The following ARNT2 variants were observed in gnomAD, a reference collection of about 807,000 sequenced individuals.
The protein encoded by ARNT2 is ARNT protein 2.
In ARNT2, 36 loss-of-function variants were observed where a neutral mutation model predicts 91.7. The ratio of observed to expected loss-of-function variants is 0.39; its 90% CI spans 0.30 to 0.52. The LOEUF is 0.52. Ranked by LOEUF, ARNT2 falls within the 20% of genes least tolerant of loss-of-function variation. The probability of loss-of-function intolerance (pLI) is 0.72; values close to 1 mark genes in which losing one functional copy is unlikely to be tolerated. For synonymous variants in ARNT2, 365 were observed against 347.1 expected (o/e 1.05, Z -0.57); for missense variants, 775 against 939.3 (o/e 0.83, Z 2.29).
chr15:80,589,913 G>T (rs1037989112), intron 17 of ARNT2, among the ~76,000 whole-genome samples: 1 of 152,190 alleles, frequency 6.6e-6, no homozygotes, highest in Admixed American at 6.5e-5. Flanking sequence ...CTAAGGAGGG[G>T]AATGTACCCT....
At chr15:80,518,855 A>G (rs2141431910) in intron 8 of ARNT2, among the ~76,000 whole-genome samples, 1 of 152,192 alleles carries the variant, frequency 6.6e-6, no homozygotes, top group African/African-American at 2.4e-5. Context: ...CTTAGAGAGT[A>G]GGTCTTTGTT....
In ARNT2 at chr15:80,433,233, A is replaced by ATTTATTTTATTTTATTTTATTTTATT. The variant is rs1896035072; in HGVS notation, c.32-17644_32-17619dup. ...CTTTTTAGAAAAGGCACTATATTTT[A>ATTTATTTTATTTTATTTTATTTTATT]TTTATTTTATTTTATTTTATTTTAT... On this transcript the variant is annotated intron_variant, in intron 1 of 18. Transcript: ENST00000303329. Among the ~76,000 whole-genome samples, 129 of 95,566 alleles carry ATTTATTTTATTTTATTTTATTTTATT rather than the reference A, an allele frequency of 1.3e-3. 1 individual carries two copies. Among genetic ancestry groups the ATTTATTTTATTTTATTTTATTTTATT allele is most frequent in the African/African-American group, 4.4e-3 (124 of 28,436 alleles). 62.7% of individuals were successfully genotyped at this position (95,566 alleles called of 152,430 possible).
At chr15:80,543,285 C>A (rs188814413) in intron 8 of ARNT2, among the ~76,000 whole-genome samples, 19 of 151,826 alleles carry the variant, frequency 1.3e-4, no homozygotes, top group Non-Finnish European at 2.1e-4. Context: ...ATTCTGATAC[C>A]CATTTTATGT....
chr15:80,462,721 G>C (rs1201952613), intron 3 of ARNT2, among the ~76,000 whole-genome samples: 5 of 152,154 alleles, frequency 3.3e-5, no homozygotes, highest in Admixed American at 3.3e-4. Context: ...GACCCCATTG[G>C]CTGCTCTTTG....
chr15:80,497,952 T>C (rs139956950), intron 5 of ARNT2, among the ~76,000 whole-genome samples: 295 of 152,306 alleles, frequency 1.9e-3, no homozygotes, highest in African/African-American at 6.7e-3. Context: ...AGTCTCCAAG[T>C]GTTTGCAAGA....
chr15:80,448,193 C>T (rs921611352), intron 1 of ARNT2, among the ~76,000 whole-genome samples: 2 of 152,186 alleles, frequency 1.3e-5, no homozygotes, highest in African/African-American at 2.4e-5. Flanking sequence ...AGAGTAGCCC[C>T]GTCACTCATA....
chr15:80,470,401 C>T lies in ARNT2; in HGVS notation c.378C>T (p.Gly126=), dbSNP rs752823394. ...GTACAGGGAACAAGTCCACCGATGG[C>T]GCGTACAAGCCTTCCTTCCTCACAG... ...MRGTGNKSTD[G]AYKPSFLTEQ... The change falls in exon 4 of 19, where the codon GGC becomes GGT. Residue 126 remains glycine, a synonymous_variant. Coordinates refer to ENST00000303329, the MANE Select transcript of ARNT2 (RefSeq NM_014862.4). 59 of 1,614,072 alleles carry T rather than the reference C, an allele frequency of 3.7e-5. No individual in the cohort carries two copies. Among genetic ancestry groups the T allele is most frequent in the Non-Finnish European group, 4.8e-5 (57 of 1,180,038 alleles).
intron 5 of ARNT2, among the ~76,000 whole-genome samples, chr15:80,479,429 T>G (rs1180033963): frequency 1.3e-5 from 2 of 152,196 alleles, no homozygotes; most frequent in Non-Finnish European, 2.9e-5. Flanking sequence ...TTTATCCACA[T>G]GGAGAGAGAA....
intron 7 of ARNT2, 21 bp downstream of exon 7, chr15:80,513,997 A>G (rs971213097): frequency 1.6e-5 from 25 of 1,599,120 alleles, no homozygotes; most frequent in Non-Finnish European, 1.9e-5. Flanking sequence ...CTTCCGATGT[A>G]TATTTTGGGA....
intron 5 of ARNT2, chr15:80,488,504 T>C (rs571831327): frequency 2.0e-5 from 3 of 152,302 alleles, no homozygotes; most frequent in African/African-American, 7.2e-5. Context: ...TCCCAGCTCT[T>C]AAAACAGTGG....
chr15:80,571,160 G>C (rs1244547858), intron 12 of ARNT2, among the ~76,000 whole-genome samples: 1 of 152,158 alleles, frequency 6.6e-6, no homozygotes, highest in Non-Finnish European at 1.5e-5. Flanking sequence ...TAGGGGTCAG[G>C]CTTTTTATAA....
At chr15:80,430,338 CCTCCAGA>C (rs1042094634) in intron 1 of ARNT2, among the ~76,000 whole-genome samples, 3 of 152,214 alleles carry the variant, frequency 2.0e-5, no homozygotes, top group African/African-American at 4.8e-5. Flanking sequence ...GGCCACTTTT[CCTCCAGA>C]CTCCAGAGTT....
rs529154671 is a variant in ARNT2 at position 80,591,913 on chromosome 15, C to T, written c.2055+209C>T. On this transcript the variant is annotated intron_variant, in intron 18 of 18. Transcript: ENST00000303329. The surrounding 1 kb of genome is among the most constrained non-coding windows in gnomAD (Gnocchi z 5.1). ...TGGGAAGGAGAAGGGGCTGATGTAG[C>T]CTTCGAGCTAAGCCACACAATAGAG... Among the ~76,000 whole-genome samples the T allele has an allele frequency of 6.6e-6, 1 of 152,290 alleles. No homozygotes were observed. Among genetic ancestry groups the T allele is most frequent in the Admixed American group, 6.5e-5 (1 of 15,296 alleles).
At chr15:80,542,970 G>C (rs1897934750) in intron 8 of ARNT2, among the ~76,000 whole-genome samples, 2 of 151,810 alleles carry the variant, frequency 1.3e-5, no homozygotes, top group Non-Finnish European at 2.9e-5. Context: ...AGTGGCACCT[G>C]CCTGTGGTCC....
At chr15:80,529,285 GT>G (rs1897697415) in intron 8 of ARNT2, among the ~76,000 whole-genome samples, 1 of 152,184 alleles carries the variant, frequency 6.6e-6, no homozygotes, top group Admixed American at 6.5e-5. Context: ...TCTGTTGTAA[GT>G]TTTGGAGGGA....
intron 17 of ARNT2, among the ~76,000 whole-genome samples, chr15:80,584,749 TC>T (rs1567008585): frequency 6.6e-6 from 1 of 152,238 alleles, no homozygotes; most frequent in Non-Finnish European, 1.5e-5. Context: ...ACTGATGGGT[TC>T]CCAGTCCTGA....
intron 6 of ARNT2, among the ~76,000 whole-genome samples, chr15:80,509,416 T>G (rs1897313658): frequency 6.6e-6 from 1 of 151,940 alleles, no homozygotes; most frequent in Non-Finnish European, 1.5e-5. Flanking sequence ...CACCCCAGCC[T>G]GGGTAACAGA....
chr15:80,443,166 G>A, intron 1 of ARNT2: 2 of 432,376 alleles, frequency 4.6e-6, no homozygotes, highest in Non-Finnish European at 6.2e-6. Flanking sequence ...AGAGAGAGGA[G>A]AGCTTTCTTG....
rs1257981234 is a variant in ARNT2 at position 80,597,280 on chromosome 15, T to G, written c.*3582T>G. On this transcript the variant is annotated 3_prime_UTR_variant, in exon 19 of 19. Transcript: ENST00000303329. ...GAATGTGAACGCTCACCTTGCTCCGTCACGGTTCTGACCTACCACATAAAC... is the reference window on the plus strand; with the variant it reads ...GAATGTGAACGCTCACCTTGCTCCGGCACGGTTCTGACCTACCACATAAAC... The G allele has an allele frequency of 5.8e-6, 3 of 518,516 alleles. No individual in the cohort carries two copies. The highest frequency in any genetic ancestry group is 1.2e-5 in the Non-Finnish European group (3 of 259,830). 32.1% of individuals were successfully genotyped at this position (518,516 alleles called of 1,614,324 possible).
Sources: allele counts gnomAD v4.1 joint callset (sites outside exome capture counted in the v4.1 genomes callset), GRCh38; gene constraint gnomAD v4.1.1; non-coding constraint Gnocchi (gnomAD v3.1); transcripts MANE v1.5; gene names NCBI Gene and HGNC (gene_info 2026-07-23, HGNC 2026-07-21).